The following LRRC18 variants were observed in gnomAD, a reference collection of about 807,000 sequenced individuals.
LRRC18 encodes leucine-rich repeat-containing protein 18.
A neutral mutation model predicts 11.2 loss-of-function variants in LRRC18; 12 were observed. That is an observed-to-expected ratio of 1.07 (90% CI 0.69 to 1.74). LRRC18 has a LOEUF of 1.74. LRRC18 is among the 40% of genes most tolerant of loss of function. The probability of loss-of-function intolerance (pLI) is 0.00; values close to 1 mark genes in which losing one functional copy is unlikely to be tolerated. For missense variants in LRRC18, 374 were observed against 330.5 expected (o/e 1.13, Z -1.02); for synonymous variants, 155 against 130.6 (o/e 1.19, Z -1.27).
chr10:48,936,161 T>C, the LRRC18 span, among the ~76,000 whole-genome samples: 2 of 151,898 alleles, frequency 1.3e-5, no homozygotes, highest in African/African-American at 2.4e-5. Flanking sequence ...TTTTGGAAAG[T>C]ACAAAAAAAG....
chr10:48,913,448 G>T lies in LRRC18; in HGVS notation c.708C>A (p.Ile236=). ...AATTGGGTGAGATCAGATTGGGAAA[G>T]ATGGTCTTTCTCGGTGTCGTCGTGG... The change falls in exon 1 of 2, where the codon ATC becomes ATA. Residue 236 remains isoleucine, a synonymous_variant. Coordinates refer to ENST00000374160, the Ensembl canonical transcript of LRRC18. The T allele has an allele frequency of 2.5e-6, 4 of 1,613,586 alleles. No homozygotes were observed. In the East Asian group the frequency reaches 8.9e-5, roughly 36 times the overall value.
At chr10:48,936,702 G>T in the LRRC18 span, among the ~76,000 whole-genome samples, 1 of 151,590 alleles carries the variant, frequency 6.6e-6, no homozygotes, top group Non-Finnish European at 1.5e-5. Flanking sequence ...GTTGGGCATT[G>T]TGGCAAGCAC....
chr10:48,919,174 T>C (rs1010512606), upstream of LRRC18, among the ~76,000 whole-genome samples: 25 of 150,766 alleles, frequency 1.7e-4, no homozygotes, highest in African/African-American at 6.1e-4. Context: ...AGACTGACAA[T>C]TTAAAAAAAA....
the LRRC18 span, among the ~76,000 whole-genome samples, chr10:48,926,712 TG>T: frequency 6.6e-6 from 1 of 152,242 alleles, no homozygotes; most frequent in African/African-American, 2.4e-5. Context: ...ATAGTATGAA[TG>T]TTAATGATAT....
At chr10:48,927,338 C>T in the LRRC18 span, among the ~76,000 whole-genome samples, 15 of 152,192 alleles carry the variant, frequency 9.9e-5, no homozygotes, top group Non-Finnish European at 2.1e-4. Context: ...GCAACACTCT[C>T]CTTTGTGGTA....
the LRRC18 span, among the ~76,000 whole-genome samples, chr10:48,929,017 A>T: frequency 1.3e-5 from 2 of 152,228 alleles, no homozygotes; most frequent in African/African-American, 2.4e-5. Context: ...GAAGAGAAAG[A>T]GTCAGGATAG....
the LRRC18 span, among the ~76,000 whole-genome samples, chr10:48,933,374 G>A: frequency 0.012 from 1,829 of 152,330 alleles, 42 homozygotes; most frequent in African/African-American, 0.042. Flanking sequence ...TGCCTCGACT[G>A]GAGCCAGCAT....
At chr10:48,931,419 G>A in the LRRC18 span, among the ~76,000 whole-genome samples, 1 of 152,196 alleles carries the variant, frequency 6.6e-6, no homozygotes, top group African/African-American at 2.4e-5. Context: ...CCCTCCAGAG[G>A]TACTCTATCA....
chr10:48,913,325 G>C (rs780439308), intron 1 of LRRC18, 67 bp downstream of exon 3: 6 of 1,485,120 alleles, frequency 4.0e-6, no homozygotes, highest in Non-Finnish European at 5.5e-6. Flanking sequence ...TTCCTGTGGA[G>C]GTAGCCCACT....
chr10:48,929,781 C>G, the LRRC18 span, among the ~76,000 whole-genome samples: 1 of 152,164 alleles, frequency 6.6e-6, no homozygotes, highest in Admixed American at 6.5e-5. Context: ...GCTGCTCCAC[C>G]ACAGCCTCTT....
the LRRC18 span, among the ~76,000 whole-genome samples, chr10:48,926,602 C>T: frequency 6.6e-6 from 1 of 152,142 alleles, no homozygotes; most frequent in Non-Finnish European, 1.5e-5. Flanking sequence ...TTCAGTGTGA[C>T]CCATTGTCTG....
chr10:48,920,472 T>C, the LRRC18 span, among the ~76,000 whole-genome samples: 2 of 151,930 alleles, frequency 1.3e-5, no homozygotes, highest in Non-Finnish European at 2.9e-5. Flanking sequence ...CATATGTAAC[T>C]AACCTGCACG....
the LRRC18 span, among the ~76,000 whole-genome samples, chr10:48,930,298 G>C: frequency 6.6e-6 from 1 of 152,206 alleles, no homozygotes; most frequent in Non-Finnish European, 1.5e-5. Flanking sequence ...TTTTAAGGGA[G>C]AGGTCCCTCA....
chr10:48,914,363 T>C (rs1305335025), upstream of LRRC18: 1 of 579,886 alleles, frequency 1.7e-6, no homozygotes, highest in East Asian at 2.9e-5. Context: ...CAGGGCAAAG[T>C]GGACCCAGCC....
At chr10:48,922,508 G>A in the LRRC18 span, among the ~76,000 whole-genome samples, 1 of 152,336 alleles carries the variant, frequency 6.6e-6, no homozygotes, top group South Asian at 2.1e-4. Context: ...GTGAAGTTGA[G>A]AACAGTAAAT....
upstream of LRRC18, among the ~76,000 whole-genome samples, chr10:48,915,775 C>T (rs1236864816): frequency 1.3e-5 from 2 of 152,146 alleles, no homozygotes; most frequent in Non-Finnish European, 2.9e-5. Context: ...AGATGGTGGT[C>T]TCCACAGTAA....
At chr10:48,917,201 C>T (rs1196990440), upstream of LRRC18, among the ~76,000 whole-genome samples, 1 of 152,046 alleles carries the variant, frequency 6.6e-6, no homozygotes, top group Non-Finnish European at 1.5e-5. Context: ...GATGAAATTG[C>T]CTAAGGATGT....
At chr10:48,914,130 T>A (rs755944332) in exon 1 of LRRC18, 1 of 1,614,062 alleles carries the variant, frequency 6.2e-7, no homozygotes, top group Non-Finnish European at 8.5e-7. Flanking sequence ...CTTCTTGCCC[T>A]TGGGGCCTTT....
chr10:48,924,524 A>G, the LRRC18 span, among the ~76,000 whole-genome samples: 3 of 152,226 alleles, frequency 2.0e-5, no homozygotes, highest in Non-Finnish European at 2.9e-5. Flanking sequence ...GTATTTATGT[A>G]TGGTTGGATG....
Sources: gnomAD v4.1 joint callset for allele counts (sites outside exome capture counted in the v4.1 genomes callset) on GRCh38, gnomAD v4.1.1 for gene constraint, MANE v1.5 for transcripts, NCBI Gene and HGNC (gene_info 2026-07-23, HGNC 2026-07-21) for gene names.